Variants in JARID2 observed in about 807,000 individuals in gnomAD.
The protein encoded by JARID2 is protein Jumonji.
In JARID2, 21 loss-of-function variants were observed where a neutral mutation model predicts 125.6. The observed-to-expected ratio is 0.17, with a 90% confidence interval of 0.12 to 0.24. The LOEUF (loss-of-function observed/expected upper bound fraction) is 0.24, where lower values mean the gene tolerates loss of function less well. JARID2 is among the 10% of genes least tolerant of loss of function. The pLI, the probability that JARID2 is intolerant of heterozygous loss-of-function variation, is 1.00. For missense variants in JARID2, 1,303 were observed against 1,639.6 expected (o/e 0.79, Z 3.55); for synonymous variants, 736 against 661.6 (o/e 1.11, Z -1.73).
intron 16 of JARID2, among the ~76,000 whole-genome samples, chr6:15,515,867 C>G (rs866622845): frequency 1.4e-4 from 22 of 151,820 alleles, no homozygotes; most frequent in African/African-American, 3.9e-4. Context: ...AACACCATCT[C>G]TACTAAAAAT....
intron 1 of JARID2, among the ~76,000 whole-genome samples, chr6:15,256,187 C>T (rs1294570172): frequency 6.6e-6 from 1 of 152,220 alleles, no homozygotes; most frequent in African/African-American, 2.4e-5. Flanking sequence ...TGCCGGCGGC[C>T]TTCCTAGCTG....
chr6:15,468,307 A>G (rs1347642525), intron 4 of JARID2, among the ~76,000 whole-genome samples: 8 of 151,270 alleles, frequency 5.3e-5, no homozygotes, highest in Admixed American at 5.3e-4. Flanking sequence ...TTCAGATGAG[A>G]TTTTAAAAAT....
At chr6:15,312,105 G>T (rs1409794722) in intron 1 of JARID2, among the ~76,000 whole-genome samples, 2 of 152,194 alleles carry the variant, frequency 1.3e-5, no homozygotes, top group African/African-American at 2.4e-5. Context: ...ACCCAGGCTG[G>T]AGTGCAGTGG....
chr6:15,440,508 C>T (rs1321918536), intron 3 of JARID2, among the ~76,000 whole-genome samples: 1 of 152,154 alleles, frequency 6.6e-6, no homozygotes, highest in East Asian at 1.9e-4. Context: ...GTACCATGTG[C>T]AGTGTTGAAT....
chr6:15,411,412 T>C (rs1765870294), intron 3 of JARID2, among the ~76,000 whole-genome samples: 1 of 152,252 alleles, frequency 6.6e-6, no homozygotes, highest in African/African-American at 2.4e-5. Flanking sequence ...GAGGGTGTCG[T>C]CTTTTAAATA....
rs1768858637 is a variant in JARID2, at chr6:15,468,558, C to T, written c.510C>T (p.Pro170=). Residue 170 remains proline (P), a synonymous_variant, in exon 5 of 18, where the codon CCC becomes CCT. Transcript: ENST00000341776. The part of the protein sequence containing the change: ...FLCLRGSPAL[P]NSMVYFGSSQ... ...TTCCACCAGGTTCTCCTGCGCTGCCCAACAGCATGGTGTATTTTGGAAGCT... is the reference window on the plus strand; with the variant it reads ...TTCCACCAGGTTCTCCTGCGCTGCCTAACAGCATGGTGTATTTTGGAAGCT... 6.2e-7 allele frequency: 1 copy of T among 1,613,564 alleles called. No homozygotes were observed. Among genetic ancestry groups the T allele is most frequent in the Non-Finnish European group, 8.5e-7 (1 of 1,179,774 alleles).
intron 1 of JARID2, among the ~76,000 whole-genome samples, chr6:15,295,660 AT>A (rs1761386443): frequency 6.6e-6 from 1 of 151,680 alleles, no homozygotes; most frequent in Non-Finnish European, 1.5e-5. Flanking sequence ...ACTTAGGGTT[AT>A]TTATTTATTT....
At chr6:15,265,599 ACTTCTTGGCTGG>A (rs747420780) in intron 1 of JARID2, among the ~76,000 whole-genome samples, 1 of 151,940 alleles carries the variant, frequency 6.6e-6, no homozygotes, top group Non-Finnish European at 1.5e-5. Context: ...AGTTAAGGCT[ACTTCTTGGCTGG>A]CAGCCAAGAA....
chr6:15,421,087 C>G (rs1766466769), intron 3 of JARID2, among the ~76,000 whole-genome samples: 1 of 152,082 alleles, frequency 6.6e-6, no homozygotes, highest in Admixed American at 6.6e-5. Flanking sequence ...ATCACCTTGG[C>G]CTCCCCTTGT....
At chr6:15,456,240 A>C (rs1486281883) in intron 4 of JARID2, among the ~76,000 whole-genome samples, 1 of 152,200 alleles carries the variant, frequency 6.6e-6, no homozygotes, top group Non-Finnish European at 1.5e-5. Context: ...ATGCTTATTT[A>C]TTGTTCAAAT....
chr6:15,322,213 G>A (rs1762383740), intron 1 of JARID2, among the ~76,000 whole-genome samples: 1 of 152,184 alleles, frequency 6.6e-6, no homozygotes, highest in African/African-American at 2.4e-5. Context: ...TAGAATCATA[G>A]GGTCATTTGT....
chr6:15,252,627 C>T lies in JARID2; in HGVS notation c.45+6043C>T, dbSNP rs181926725. On this transcript the variant is annotated intron_variant, in intron 1 of 17. Transcript: ENST00000341776. Reference sequence around the variant, plus strand: ...AAGCTTCTATCTTGTAATCTGGCAACTTTAATTATATATTGTTTTACTTAT... The same window carrying T: ...AAGCTTCTATCTTGTAATCTGGCAATTTTAATTATATATTGTTTTACTTAT... 2.8e-4 allele frequency among the ~76,000 whole-genome samples: 43 copies of T among 152,298 alleles called. No homozygotes were observed. In the East Asian group the frequency reaches 7.9e-3, roughly 28 times the overall value.
intron 3 of JARID2, among the ~76,000 whole-genome samples, chr6:15,441,754 C>T (rs148251896): frequency 6.6e-6 from 1 of 152,134 alleles, no homozygotes; most frequent in Non-Finnish European, 1.5e-5. Flanking sequence ...ATCTTAGAAG[C>T]ATTCCACTGG....
chr6:15,336,144 C>T (rs1762872167), intron 1 of JARID2, among the ~76,000 whole-genome samples: 1 of 152,140 alleles, frequency 6.6e-6, no homozygotes, highest in South Asian at 2.1e-4. Flanking sequence ...GGCATGGCCC[C>T]TTTATCATCC....
intron 2 of JARID2, among the ~76,000 whole-genome samples, chr6:15,385,049 T>C (rs1011494498): frequency 2.0e-5 from 3 of 152,208 alleles, no homozygotes; most frequent in Non-Finnish European, 4.4e-5. Context: ...AAAATGCAAA[T>C]GAGGCTGTGC....
chr6:15,415,765 C>T (rs1344361543), intron 3 of JARID2, among the ~76,000 whole-genome samples: 13 of 144,712 alleles, frequency 9.0e-5, no homozygotes, highest in African/African-American at 2.3e-4. Flanking sequence ...CCAGTAGGGG[C>T]GGCCTGGCAG....
intron 2 of JARID2, among the ~76,000 whole-genome samples, chr6:15,381,457 T>C (rs1561826049): frequency 6.6e-6 from 1 of 152,156 alleles, no homozygotes; most frequent in Non-Finnish European, 1.5e-5. Flanking sequence ...GCTTGAGTTT[T>C]CTCTAACACT....
intron 2 of JARID2, among the ~76,000 whole-genome samples, chr6:15,396,221 TTG>T (rs2127548446): frequency 6.6e-6 from 1 of 152,334 alleles, no homozygotes; most frequent in East Asian, 1.9e-4. Flanking sequence ...ACAATATATA[TTG>T]AACCAAAATT....
At chr6:15,252,756 G>A (rs763233259) in intron 1 of JARID2, among the ~76,000 whole-genome samples, 2 of 100,666 alleles carry the variant, frequency 2.0e-5, no homozygotes, top group African/African-American at 3.0e-5. Flanking sequence ...ATTATCTTTC[G>A]TTTTTTTTCC....
Sources: gnomAD v4.1 joint callset for allele counts (sites outside exome capture counted in the v4.1 genomes callset) on GRCh38, gnomAD v4.1.1 for gene constraint, MANE v1.5 for transcripts, NCBI Gene and HGNC (gene_info 2026-07-23, HGNC 2026-07-21) for gene names.